Variants in APIP observed in about 807,000 individuals in gnomAD.
The protein encoded by APIP is APAF1 interacting protein.
APIP carries 32 observed loss-of-function variants against 32.0 expected under a neutral mutation model. The ratio of observed to expected loss-of-function variants is 1.00; its 90% CI spans 0.76 to 1.34. The LOEUF is 1.34. APIP is among the 40% of genes most tolerant of loss of function. The probability of loss-of-function intolerance (pLI) is 0.00; values close to 1 mark genes in which losing one functional copy is unlikely to be tolerated. For missense variants in APIP, 247 were observed against 298.6 expected (o/e 0.83, Z 1.27); for synonymous variants, 92 against 94.8 (o/e 0.97, Z 0.17).
Position 34,895,049 on chromosome 11 carries a change from C to A in APIP, c.119G>T (p.Trp40Leu), listed in dbSNP as rs752271072. The A allele has an allele frequency of 6.2e-7, 1 of 1,614,004 alleles. No homozygotes were observed. Among genetic ancestry groups the A allele is most frequent in the African/African-American group, 1.3e-5 (1 of 74,894 alleles). The change falls in exon 2 of 7, where the codon TGG becomes TTG. Residue 40 changes from tryptophan (W) to leucine (L), a missense_variant. Physicochemically the swap from Trp to Leu is moderately conservative, Grantham distance 61. Coordinates refer to ENST00000395787, the MANE Select transcript of APIP (RefSeq NM_015957.4). ...AATTCCTCCTCCAGTCCCAGTGACC[C>A]AGCCTAAATGGTAAAACTGTTTGCA... The part of the protein sequence containing the change: ...ELCKQFYHLG[W>L]VTGTGGGISL...
chr11:34,914,290 G>A (rs12286436), intron 1 of APIP, among the ~76,000 whole-genome samples: 28,761 of 152,076 alleles, frequency 0.19, 3,871 homozygotes, highest in African/African-American at 0.39. Flanking sequence ...GGAACCAGAT[G>A]CAGCTTGCAC....
Position 34,882,686 on chromosome 11 carries a change from A to T in APIP, c.*31T>A, listed in dbSNP as rs572594404. The T allele has an allele frequency of 9.7e-5, 137 of 1,408,536 alleles. No individual in the cohort carries two copies. The highest frequency in any genetic ancestry group is 1.1e-4 in the Non-Finnish European group (117 of 1,018,642). The allele number at this position is 1,408,536 out of a possible 1,614,324, so 87.3% of individuals were successfully genotyped here. ...TTAAATAATAATTACGTTTAGCTTT[A>T]TCTCTGTATATAATTAGACTTTCTT... On this transcript the variant is annotated 3_prime_UTR_variant, in exon 7 of 7. Transcript: ENST00000395787.
chr11:34,902,186 C>T (rs1282560725), intron 1 of APIP, among the ~76,000 whole-genome samples: 1 of 152,208 alleles, frequency 6.6e-6, no homozygotes, highest in Non-Finnish European at 1.5e-5. Flanking sequence ...ATTCTCAACA[C>T]CTGTTTGCCT....
intron 1 of APIP, among the ~76,000 whole-genome samples, chr11:34,896,062 A>T (rs1389561281): frequency 2.4e-4 from 37 of 152,224 alleles, no homozygotes; most frequent in Non-Finnish European, 1.5e-4. Flanking sequence ...AGACTCTCAC[A>T]CCAGTTGGAA....
At chr11:34,906,838 T>A (rs1853467544) in intron 1 of APIP, among the ~76,000 whole-genome samples, 1 of 152,224 alleles carries the variant, frequency 6.6e-6, no homozygotes, top group Admixed American at 6.5e-5. Flanking sequence ...CTTTATGGAA[T>A]TGGTTAGCTC....
At chr11:34,893,243 T>A (rs1054907984) in intron 2 of APIP, among the ~76,000 whole-genome samples, 2 of 152,190 alleles carry the variant, frequency 1.3e-5, no homozygotes, top group African/African-American at 2.4e-5. Context: ...TCAAAAATAT[T>A]TCATCTTGAG....
intron 1 of APIP, chr11:34,896,640 G>T: frequency 2.1e-6 from 1 of 485,658 alleles, no homozygotes; most frequent in Non-Finnish European, 3.5e-6. Context: ...GTTGAGGGGT[G>T]CAGCAAACCA....
At chr11:34,908,210 A>ACC (rs1853487454) in intron 1 of APIP, among the ~76,000 whole-genome samples, 1 of 152,256 alleles carries the variant, frequency 6.6e-6, no homozygotes. Context: ...TCTCCATTGA[A>ACC]CACAACTTGC....
intron 1 of APIP, among the ~76,000 whole-genome samples, chr11:34,908,719 T>C (rs1853494676): frequency 6.6e-6 from 1 of 152,252 alleles, no homozygotes; most frequent in Admixed American, 6.5e-5. Context: ...TAGTCTGTTC[T>C]ATGTTGGTAT....
At chr11:34,903,705 C>CA (rs1205872161) in intron 1 of APIP, among the ~76,000 whole-genome samples, 4 of 152,190 alleles carry the variant, frequency 2.6e-5, no homozygotes, top group African/African-American at 9.6e-5. Flanking sequence ...AAGACATCAA[C>CA]ACACTTCACA....
chr11:34,886,844 C>A (rs1853081323), intron 5 of APIP, among the ~76,000 whole-genome samples: 1 of 152,154 alleles, frequency 6.6e-6, no homozygotes, highest in Non-Finnish European at 1.5e-5. Context: ...GTGCAGTAGG[C>A]TATACCATTT....
chr11:34,886,042 A>G (rs1853065080), intron 5 of APIP, among the ~76,000 whole-genome samples: 1 of 151,702 alleles, frequency 6.6e-6, no homozygotes, highest in Non-Finnish European at 1.5e-5. Flanking sequence ...ATTACTCTAT[A>G]ATTTTAAAAC....
intron 2 of APIP, among the ~76,000 whole-genome samples, chr11:34,894,465 T>C (rs1202059665): frequency 4.0e-4 from 6 of 15,102 alleles, no homozygotes; most frequent in Non-Finnish European, 7.7e-4. Context: ...ACCCAGTCTC[T>C]ACAAAAAAAA....
intron 5 of APIP, among the ~76,000 whole-genome samples, chr11:34,884,687 A>G (rs1853030292): frequency 6.6e-6 from 1 of 151,774 alleles, no homozygotes; most frequent in African/African-American, 2.4e-5. Flanking sequence ...TCGAGACACT[A>G]CACTCTAGCC....
At chr11:34,889,935 T>C (rs1431335025) in intron 3 of APIP, among the ~76,000 whole-genome samples, 1 of 152,130 alleles carries the variant, frequency 6.6e-6, no homozygotes, top group African/African-American at 2.4e-5. Flanking sequence ...TTCTGTAGCT[T>C]TTATCTGCCA....
intron 1 of APIP, among the ~76,000 whole-genome samples, chr11:34,895,725 C>T (rs72928507): frequency 0.23 from 33,804 of 149,620 alleles, 4,928 homozygotes; most frequent in Non-Finnish European, 0.34. Flanking sequence ...TATGAAGATA[C>T]GTGTTTATGA....
chr11:34,884,021 A>G (rs2985400), intron 5 of APIP, among the ~76,000 whole-genome samples: 56,664 of 152,038 alleles, frequency 0.37, 10,955 homozygotes, highest in East Asian at 0.74. Context: ...TGTTCTGGAG[A>G]TAACTCTTAA....
intron 2 of APIP, among the ~76,000 whole-genome samples, chr11:34,891,050 CT>C (rs1853177943): frequency 6.6e-6 from 1 of 152,102 alleles, no homozygotes. Flanking sequence ...TGGACAGTTT[CT>C]TAAATTACTG....
At position 34,895,034 on chromosome 11, in the gene APIP, C is replaced by T. The variant is rs1853244424; in HGVS notation, c.134G>A (p.Gly45Glu). Residue 45 changes from glycine to glutamate, a missense_variant, in exon 2 of 7, where the codon GGA (glycine) becomes GAA (glutamate). Coordinates refer to ENST00000395787, the MANE Select transcript of APIP (RefSeq NM_015957.4). ...CCCATGCTTCAAGCTAATTCCTCCT[C>T]CAGTCCCAGTGACCCAGCCTAAATG... is the stretch of plus-strand genomic sequence containing the variant. ...FYHLGWVTGT[G>E]GGISLKHGDE... is the part of the protein sequence containing the mutation. 3.7e-6 allele frequency: 6 copies of T among 1,613,974 alleles called. No homozygotes were observed. The South Asian group carries it at 6.6e-5, about 18-fold the overall frequency.
Sources: allele counts gnomAD v4.1 joint callset (sites outside exome capture counted in the v4.1 genomes callset), GRCh38; gene constraint gnomAD v4.1.1; transcripts MANE v1.5; gene names NCBI Gene and HGNC (gene_info 2026-07-23, HGNC 2026-07-21).